Variants in LRMDA observed in about 807,000 individuals in gnomAD.
LRMDA encodes leucine-rich melanocyte differentiation-associated protein.
A neutral mutation model predicts 29.8 loss-of-function variants in LRMDA; 18 were observed. The ratio of observed to expected loss-of-function variants is 0.60; its 90% CI spans 0.42 to 0.90. LRMDA has a LOEUF of 0.90. LRMDA is among the 40% of genes least tolerant of loss of function. The pLI, the probability that LRMDA is intolerant of heterozygous loss-of-function variation, is 0.00. For missense variants in LRMDA, 273 were observed against 273.9 expected (o/e 1.00, Z 0.02); for synonymous variants, 125 against 109.4 (o/e 1.14, Z -0.89).
chr10:75,504,159 T>C (rs1291744583), intron 2 of LRMDA, among the ~76,000 whole-genome samples: 2 of 151,732 alleles, frequency 1.3e-5, no homozygotes, highest in African/African-American at 4.8e-5. Flanking sequence ...GCCTGGGTAA[T>C]GTTTGTATTA....
intron 2 of LRMDA, among the ~76,000 whole-genome samples, chr10:75,637,928 G>C (rs1239381933): frequency 6.6e-6 from 1 of 152,212 alleles, no homozygotes. Context: ...CTCTCATTAA[G>C]TGTTACCCCT....
chr10:76,254,424 C>G (rs929060426), intron 5 of LRMDA, among the ~76,000 whole-genome samples: 1 of 151,884 alleles, frequency 6.6e-6, no homozygotes, highest in Non-Finnish European at 1.5e-5. Flanking sequence ...CTATACTATA[C>G]TATACTGAAA....
chr10:75,731,319 G>A (rs1225596365), intron 2 of LRMDA, among the ~76,000 whole-genome samples: 1 of 152,094 alleles, frequency 6.6e-6, no homozygotes. Flanking sequence ...ATGCACCTTT[G>A]GTTCCTTTAT....
intron 2 of LRMDA, among the ~76,000 whole-genome samples, chr10:75,443,352 T>C (rs1844352458): frequency 6.6e-6 from 1 of 152,188 alleles, no homozygotes; most frequent in Admixed American, 6.5e-5. Context: ...ATATGGCCTT[T>C]ATTATGTTGA....
chr10:76,104,238 C>G (rs1849442884), intron 5 of LRMDA, among the ~76,000 whole-genome samples: 1 of 152,104 alleles, frequency 6.6e-6, no homozygotes, highest in Non-Finnish European at 1.5e-5. Context: ...TCTGCAGACT[C>G]TCCAGGGACG....
intron 2 of LRMDA, among the ~76,000 whole-genome samples, chr10:75,442,279 C>G (rs1208527717): frequency 6.6e-6 from 1 of 152,174 alleles, no homozygotes; most frequent in Non-Finnish European, 1.5e-5. Context: ...ATGAAGAGAA[C>G]ATGAATGATC....
intron 6 of LRMDA, among the ~76,000 whole-genome samples, chr10:76,454,241 C>T (rs555706332): frequency 3.3e-5 from 5 of 152,214 alleles, no homozygotes; most frequent in African/African-American, 4.8e-5. Flanking sequence ...ATAGACAAAA[C>T]GTTGATCTTT....
intron 6 of LRMDA, among the ~76,000 whole-genome samples, chr10:76,447,464 A>C (rs1026091664): frequency 6.6e-6 from 1 of 152,174 alleles, no homozygotes; most frequent in East Asian, 1.9e-4. Context: ...AGTGAAAATT[A>C]TCTTTAAAAA....
At chr10:76,090,223 T>G (rs1290867195) in intron 5 of LRMDA, among the ~76,000 whole-genome samples, 1 of 152,192 alleles carries the variant, frequency 6.6e-6, no homozygotes, top group Non-Finnish European at 1.5e-5. Context: ...CTTTCTGGAT[T>G]AGAGGGAAGG....
At chr10:76,135,971 T>C (rs1850087392) in intron 5 of LRMDA, among the ~76,000 whole-genome samples, 1 of 152,194 alleles carries the variant, frequency 6.6e-6, no homozygotes, top group South Asian at 2.1e-4. Context: ...ATTCGAGAGA[T>C]TCTACCTTCA....
chr10:75,983,991 T>C (rs995403435), intron 2 of LRMDA, among the ~76,000 whole-genome samples: 4 of 152,008 alleles, frequency 2.6e-5, no homozygotes, highest in African/African-American at 9.7e-5. Context: ...TTTCCTTTCC[T>C]CCTCACAATG....
rs73290722 is a variant in LRMDA at position 76,348,347 on chromosome 10, G to T, written c.601+23862G>T. ...GGTAGAGCTAGAAGGATGTATTCAG[G>T]AAGCTGCCATTATTAGAAATGTGCT... is the stretch of plus-strand genomic sequence containing the variant. On this transcript the variant is annotated intron_variant, in intron 6 of 6. Coordinates refer to ENST00000611255, the MANE Select transcript of LRMDA (RefSeq NM_001305581.2). Among the ~76,000 whole-genome samples, 886 of 152,270 alleles carry T rather than the reference G, an allele frequency of 5.8e-3. 9 individuals carry two copies. The highest frequency in any genetic ancestry group is 0.019 in the African/African-American group (786 of 41,560).
At chr10:75,680,737 C>T (rs561215692) in intron 2 of LRMDA, among the ~76,000 whole-genome samples, 6 of 152,072 alleles carry the variant, frequency 3.9e-5, no homozygotes, top group South Asian at 4.2e-4. Context: ...TGGCTGGGTG[C>T]GGTGGCCCAC....
chr10:76,197,747 C>T (rs567702372), intron 5 of LRMDA, among the ~76,000 whole-genome samples: 1 of 148,454 alleles, frequency 6.7e-6, no homozygotes, highest in Non-Finnish European at 1.5e-5. Context: ...AGTGAAACCC[C>T]ATCTCTACTA....
intron 2 of LRMDA, 117 bp from the exon 3 acceptor site, chr10:76,035,891 C>A: frequency 8.1e-7 from 1 of 1,234,058 alleles, no homozygotes. Flanking sequence ...TGCTGACAGG[C>A]ACCAAGCCCA....
intron 5 of LRMDA, among the ~76,000 whole-genome samples, chr10:76,205,075 A>G (rs1438676916): frequency 6.6e-6 from 1 of 152,198 alleles, no homozygotes; most frequent in Non-Finnish European, 1.5e-5. Context: ...CAACCGTGGG[A>G]TCCTCTAACT....
At chr10:76,380,132 G>A (rs1430516238) in intron 6 of LRMDA, among the ~76,000 whole-genome samples, 1 of 152,070 alleles carries the variant, frequency 6.6e-6, no homozygotes, top group East Asian at 1.9e-4. Context: ...GGCCTAAAAT[G>A]TCTATTTTGG....
intron 5 of LRMDA, among the ~76,000 whole-genome samples, chr10:76,290,876 A>C (rs1289113997): frequency 6.6e-6 from 1 of 152,220 alleles, no homozygotes; most frequent in Non-Finnish European, 1.5e-5. Context: ...TCTGAGAAGT[A>C]GTATGGGTAT....
At chr10:76,222,357 T>C (rs1456143716) in intron 5 of LRMDA, among the ~76,000 whole-genome samples, 3 of 152,122 alleles carry the variant, frequency 2.0e-5, no homozygotes, top group Non-Finnish European at 4.4e-5. Context: ...AGAAAATTTT[T>C]GCAACCTACT....
Sources: allele counts gnomAD v4.1 joint callset (sites outside exome capture counted in the v4.1 genomes callset), GRCh38; gene constraint gnomAD v4.1.1; transcripts MANE v1.5; gene names NCBI Gene and HGNC (gene_info 2026-07-23, HGNC 2026-07-21).